Variants in PXDNL observed in about 807,000 individuals in gnomAD.
PXDNL encodes probable oxidoreductase PXDNL.
In PXDNL, 145 loss-of-function variants were observed where a neutral mutation model predicts 150.8. The observed-to-expected ratio is 0.96, with a 90% CI of 0.84 to 1.10. The LOEUF is 1.10. Among genes scored for constraint, PXDNL ranks in the 50% least tolerant of loss-of-function variants. PXDNL has a pLI of 0.00. For missense variants in PXDNL, 2,087 were observed against 1,873.9 expected (o/e 1.11, Z -2.10); for synonymous variants, 757 against 725.7 (o/e 1.04, Z -0.69).
At chr8:51,649,094 G>T (rs757827501) in intron 2 of PXDNL, among the ~76,000 whole-genome samples, 3 of 152,128 alleles carry the variant, frequency 2.0e-5, no homozygotes, top group Non-Finnish European at 2.9e-5. Context: ...TAATTTTTAA[G>T]GGATTTTTAA....
At chr8:51,479,429 T>C (rs1810552586) in intron 6 of PXDNL, among the ~76,000 whole-genome samples, 1 of 152,226 alleles carries the variant, frequency 6.6e-6, no homozygotes, top group Non-Finnish European at 1.5e-5. Flanking sequence ...GAACATCCTA[T>C]GACCCTGTTA....
rs1339368641 is a variant in PXDNL, at chr8:51,452,924, GCACACACACAAA to G, written c.1249+583_1249+594del. ...GGCACACATGCACACACACACAAAC[GCACACACACAAA>G]CACACACACACACACACACATGCAC... On this transcript the variant is annotated intron_variant, in intron 10 of 22. Transcript: ENST00000356297. Among the ~76,000 whole-genome samples the G allele has an allele frequency of 9.8e-5, 6 of 61,284 alleles. No homozygotes were observed. The East Asian group carries it at 5.4e-3, about 55-fold the overall frequency. The allele number at this position is 61,284 out of a possible 152,430, so 40.2% of individuals were successfully genotyped here. A position where few individuals can be genotyped will look rare whatever the true frequency, so the allele number is the denominator to read the frequency against.
At chr8:51,509,800 A>ATATATACATATACGTGTATATATACACG in intron 4 of PXDNL, among the ~76,000 whole-genome samples, 1 of 151,224 alleles carries the variant, frequency 6.6e-6, no homozygotes, top group Non-Finnish European at 1.5e-5. Context: ...ACGTATATGT[A>ATATATACATATACGTGTATATATACACG]TATATATACA....
chr8:51,392,148 A>G (rs1807930411), intron 17 of PXDNL, among the ~76,000 whole-genome samples: 1 of 152,132 alleles, frequency 6.6e-6, no homozygotes, highest in Non-Finnish European at 1.5e-5. Flanking sequence ...GTGGCCTTGT[A>G]GTATAGTTTG....
intron 19 of PXDNL, among the ~76,000 whole-genome samples, chr8:51,348,786 A>G (rs1483624661): frequency 1.3e-5 from 2 of 152,172 alleles, no homozygotes; most frequent in Non-Finnish European, 2.9e-5. Context: ...AACCTGAGGC[A>G]CAGAAAGATT....
At chr8:51,694,195 TA>T (rs1816064850) in intron 1 of PXDNL, among the ~76,000 whole-genome samples, 1 of 152,120 alleles carries the variant, frequency 6.6e-6, no homozygotes, top group African/African-American at 2.4e-5. Context: ...CTGTTTCTGC[TA>T]AACAAAATAC....
intron 17 of PXDNL, among the ~76,000 whole-genome samples, chr8:51,387,606 C>A (rs144554590): frequency 4.5e-4 from 68 of 152,052 alleles, no homozygotes; most frequent in Middle Eastern, 3.4e-3. Context: ...CAGTTGCATA[C>A]CTTTTATTAA....
chr8:51,379,320 G>A (rs956195132), intron 17 of PXDNL, among the ~76,000 whole-genome samples: 2 of 151,944 alleles, frequency 1.3e-5, no homozygotes, highest in Admixed American at 1.3e-4. Context: ...TAGAAGTAAG[G>A]GACAATTATT....
intron 1 of PXDNL, among the ~76,000 whole-genome samples, chr8:51,752,632 T>C (rs1224890420): frequency 6.7e-6 from 1 of 149,856 alleles, no homozygotes; most frequent in African/African-American, 2.5e-5. Flanking sequence ...TGGGGTGGGT[T>C]TGGGTATGCC....
At chr8:51,599,412 T>C (rs775856325) in intron 2 of PXDNL, among the ~76,000 whole-genome samples, 44 of 151,820 alleles carry the variant, frequency 2.9e-4, no homozygotes, top group South Asian at 6.2e-4. Flanking sequence ...TGTTTTGATA[T>C]GTTATGTATC....
chr8:51,345,755 A>G, intron 20 of PXDNL, 78 bp downstream of exon 20: 3 of 808,684 alleles, frequency 3.7e-6, no homozygotes, highest in South Asian at 1.6e-5. Context: ...TCTCTATTAA[A>G]AAAGATAAAA....
chr8:51,384,947 A>C (rs2130820869), intron 17 of PXDNL, among the ~76,000 whole-genome samples: 1 of 152,282 alleles, frequency 6.6e-6, no homozygotes, highest in South Asian at 2.1e-4. Context: ...GGAAAAAATT[A>C]AGAAACAGAA....
At chr8:51,638,733 C>A (rs374392161) in intron 2 of PXDNL, among the ~76,000 whole-genome samples, 10 of 152,218 alleles carry the variant, frequency 6.6e-5, no homozygotes, top group East Asian at 5.8e-4. Context: ...GAGACTTAGA[C>A]TCCCACACAA....
At chr8:51,494,652 T>A (rs1302092935) in intron 5 of PXDNL, among the ~76,000 whole-genome samples, 1 of 151,928 alleles carries the variant, frequency 6.6e-6, no homozygotes, top group African/African-American at 2.4e-5. Context: ...AAAACAGACT[T>A]TAAACCAACA....
At chr8:51,549,548 T>C (rs1812437443) in intron 4 of PXDNL, among the ~76,000 whole-genome samples, 1 of 151,946 alleles carries the variant, frequency 6.6e-6, no homozygotes, top group Non-Finnish European at 1.5e-5. Context: ...AATATACAAA[T>C]ACATGGAAAT....
chr8:51,633,226 G>A (rs1814528660), intron 2 of PXDNL, among the ~76,000 whole-genome samples: 1 of 152,202 alleles, frequency 6.6e-6, no homozygotes, highest in Admixed American at 6.5e-5. Flanking sequence ...CAAAGGACAT[G>A]ATTTCATTCT....
intron 12 of PXDNL, among the ~76,000 whole-genome samples, chr8:51,433,931 C>T (rs1355518313): frequency 6.6e-6 from 1 of 151,994 alleles, no homozygotes; most frequent in African/African-American, 2.4e-5. Flanking sequence ...ATTATTATTG[C>T]ATATAGAAAA....
At chr8:51,710,504 C>T (rs1816476847) in intron 1 of PXDNL, among the ~76,000 whole-genome samples, 1 of 152,122 alleles carries the variant, frequency 6.6e-6, no homozygotes, top group Non-Finnish European at 1.5e-5. Flanking sequence ...TACAATGCAA[C>T]CAACTATAGT....
At chr8:51,561,239 C>T (rs1421826804) in intron 3 of PXDNL, among the ~76,000 whole-genome samples, 3 of 151,836 alleles carry the variant, frequency 2.0e-5, no homozygotes, top group African/African-American at 7.2e-5. Flanking sequence ...TCTAGCAATT[C>T]CTAGGCAAAT....
Sources: allele counts gnomAD v4.1 joint callset (sites outside exome capture counted in the v4.1 genomes callset), GRCh38; gene constraint gnomAD v4.1.1; transcripts MANE v1.5; gene names NCBI Gene and HGNC (gene_info 2026-07-23, HGNC 2026-07-21).